Variants in GPA33 observed in about 807,000 individuals in gnomAD.
The protein encoded by GPA33 is glycoprotein A33.
GPA33 carries 27 observed loss-of-function variants against 35.6 expected under a neutral mutation model. The observed-to-expected ratio is 0.76, with a 90% CI of 0.56 to 1.04. The LOEUF is 1.04. Ranked by LOEUF, GPA33 falls within the 50% of genes least tolerant of loss-of-function variation. The pLI, the probability that GPA33 is intolerant of heterozygous loss-of-function variation, is 0.00. For missense variants in GPA33, 428 were observed against 411.9 expected (o/e 1.04, Z -0.34); for synonymous variants, 176 against 164.0 (o/e 1.07, Z -0.56).
chr1:167,058,133 A>T (rs1478128969), intron 4 of GPA33, among the ~76,000 whole-genome samples: 1 of 152,220 alleles, frequency 6.6e-6, no homozygotes, highest in Non-Finnish European at 1.5e-5. Flanking sequence ...TGGGTGGTGG[A>T]GGTTACAGTG....
At chr1:167,063,781 G>T in intron 3 of GPA33, 44 bp from the exon 4 acceptor site, 2 of 1,564,622 alleles carry the variant, frequency 1.3e-6, no homozygotes, top group South Asian at 2.3e-5. Context: ...GGCAGGTGGG[G>T]CTTGGTGACA....
intron 3 of GPA33, 40 bp from the exon 4 acceptor site, chr1:167,063,777 T>C: frequency 6.3e-7 from 1 of 1,581,090 alleles, no homozygotes; most frequent in South Asian, 1.1e-5. Flanking sequence ...ATGAGGCAGG[T>C]GGGGCTTGGT....
intron 4 of GPA33, among the ~76,000 whole-genome samples, chr1:167,061,416 G>C (rs901845918): frequency 1.3e-5 from 2 of 152,136 alleles, no homozygotes; most frequent in African/African-American, 2.4e-5. Context: ...ATAGGCCAGA[G>C]AGAGGAGGCC....
At chr1:167,087,519 G>T (rs1352817099) in intron 1 of GPA33, among the ~76,000 whole-genome samples, 1 of 152,292 alleles carries the variant, frequency 6.6e-6, no homozygotes, top group East Asian at 1.9e-4. Flanking sequence ...GCCCCCTTTG[G>T]TCCCCTGGGA....
rs962231593 is a variant in GPA33 at position 167,055,183 on chromosome 1, G to C, written c.692-72C>G. On this transcript the variant is annotated intron_variant, in intron 5 of 6. Transcript: ENST00000367868. The stretch of plus-strand genomic sequence containing the variant: ...TCCGGGTCTCCTCCCAGCCAGGGGA[G>C]CAGCAGCTACCAGCTTCTGGTAACA... 2.0e-6 allele frequency: 3 copies of C among 1,500,006 alleles called. No homozygotes were observed. In the African/African-American group the frequency reaches 4.1e-5, roughly 21 times the overall value. 92.9% of individuals were successfully genotyped at this position (1,500,006 alleles called of 1,614,324 possible).
chr1:167,068,969 G>A lies in GPA33; in HGVS notation c.368C>T (p.Ser123Leu). The change falls in exon 3 of 7, where the codon TCA becomes TTA. Residue 123 changes from serine to leucine, a missense_variant. By Grantham distance (145) the Ser-to-Leu change is moderately radical. Coordinates refer to ENST00000367868, the MANE Select transcript of GPA33 (RefSeq NM_005814.3). ...GTYECSVSLM[S>L]DLEGNTKSRV... ...TGACTTGGTGTTGCCCTCCAGGTCT[G>A]ACATCAGCGAGACAGAACACTCGTA... 6.2e-7 allele frequency: 1 copy of A among 1,613,792 alleles called. No homozygotes were observed. The highest frequency in any genetic ancestry group is 8.5e-7 in the Non-Finnish European group (1 of 1,180,018).
intron 1 of GPA33, 85 bp downstream of exon 1, chr1:167,090,160 A>G: frequency 4.8e-6 from 5 of 1,032,652 alleles, no homozygotes; most frequent in Non-Finnish European, 6.1e-6. Flanking sequence ...CTTCCTGGGA[A>G]GGCTCTGACA....
intron 3 of GPA33, among the ~76,000 whole-genome samples, chr1:167,065,152 C>T (rs1666564752): frequency 6.6e-6 from 1 of 152,112 alleles, no homozygotes; most frequent in Non-Finnish European, 1.5e-5. Flanking sequence ...GTGGGTGGGT[C>T]AAGGAATCTA....
At chr1:167,078,643 G>A (rs192928248) in intron 1 of GPA33, 4 of 152,282 alleles carry the variant, frequency 2.6e-5, no homozygotes, top group East Asian at 1.9e-4. Flanking sequence ...ACATCCCTTC[G>A]ATACTTTAAT....
intron 1 of GPA33, among the ~76,000 whole-genome samples, chr1:167,089,462 C>T (rs1667115315): frequency 6.6e-6 from 1 of 152,206 alleles, no homozygotes; most frequent in Admixed American, 6.5e-5. Context: ...TTGCCAAACC[C>T]TGCGTCTCTC....
chr1:167,075,623 C>T (rs1666808780), intron 1 of GPA33, among the ~76,000 whole-genome samples: 1 of 152,080 alleles, frequency 6.6e-6, no homozygotes, highest in Non-Finnish European at 1.5e-5. Flanking sequence ...GGCAATGAGG[C>T]AGTTATGTAA....
At chr1:167,075,160 CA>C (rs1437824154) in intron 1 of GPA33, among the ~76,000 whole-genome samples, 2 of 152,088 alleles carry the variant, frequency 1.3e-5, no homozygotes, top group African/African-American at 4.8e-5. Flanking sequence ...CTCAGCCTCC[CA>C]AAGTGCTGGG....
chr1:167,077,482 T>C (rs1666846460), intron 1 of GPA33, among the ~76,000 whole-genome samples: 1 of 152,160 alleles, frequency 6.6e-6, no homozygotes, highest in Non-Finnish European at 1.5e-5. Flanking sequence ...TCCATGAACT[T>C]TACACTGATT....
At position 167,055,089 on chromosome 1, in the gene GPA33, A is replaced by G; in HGVS notation, c.714T>C (p.Tyr238=). The change falls in exon 6 of 7, where the codon TAT becomes TAC. Residue 238 remains tyrosine (Y), a synonymous_variant. Coordinates refer to ENST00000367868, the MANE Select transcript of GPA33 (RefSeq NM_005814.3). ...VRSPSMNVAL[Y]VGIAVGVVAA... is the part of the protein sequence containing the mutation. The stretch of plus-strand genomic sequence containing the variant: ...CAACCACGCCCACCGCGATGCCCAC[A>G]TACAGGGCCACGTTCATGGAGGCTG... The G allele has an allele frequency of 6.2e-7, 1 of 1,613,502 alleles. No homozygotes were observed. The highest frequency in any genetic ancestry group is 1.3e-5 in the African/African-American group (1 of 75,056).
At chr1:167,079,491 A>G (rs1229831360) in intron 1 of GPA33, among the ~76,000 whole-genome samples, 3 of 141,234 alleles carry the variant, frequency 2.1e-5, no homozygotes, top group Non-Finnish European at 3.1e-5. Context: ...CTCCAAAAAA[A>G]AAAAAAAAAA....
chr1:167,085,626 C>T (rs1428001497), intron 1 of GPA33, among the ~76,000 whole-genome samples: 2 of 152,270 alleles, frequency 1.3e-5, no homozygotes, highest in South Asian at 2.1e-4. Context: ...TCAGGCCCTA[C>T]CCTGGACATA....
chr1:167,064,410 T>C (rs866763255), intron 3 of GPA33, among the ~76,000 whole-genome samples: 1 of 152,188 alleles, frequency 6.6e-6, no homozygotes, highest in Non-Finnish European at 1.5e-5. Flanking sequence ...TCAGCTCTTA[T>C]AACTCCAGAT....
chr1:167,083,067 TC>T (rs113263573), intron 1 of GPA33, among the ~76,000 whole-genome samples: 1 of 151,762 alleles, frequency 6.6e-6, no homozygotes, highest in South Asian at 2.1e-4. Flanking sequence ...CAACTGAACT[TC>T]CCCCCAAGTC....
At chr1:167,056,174 T>C (rs1343350895) in intron 4 of GPA33, among the ~76,000 whole-genome samples, 1 of 152,218 alleles carries the variant, frequency 6.6e-6, no homozygotes, top group African/African-American at 2.4e-5. Flanking sequence ...CACAGGGTAC[T>C]TGCAAGCATA....
Sources: allele counts gnomAD v4.1 joint callset (sites outside exome capture counted in the v4.1 genomes callset), GRCh38; gene constraint gnomAD v4.1.1; transcripts MANE v1.5; gene names NCBI Gene and HGNC (gene_info 2026-07-23, HGNC 2026-07-21).